The following SEMA5A variants were observed in gnomAD, a reference collection of about 807,000 sequenced individuals.
The protein encoded by SEMA5A is semaphorin 5A.
Under a neutral mutation model 135.5 loss-of-function variants are expected in SEMA5A, and 55 were observed. The ratio of observed to expected loss-of-function variants is 0.41; its 90% CI spans 0.33 to 0.51. SEMA5A has a LOEUF of 0.51. SEMA5A is among the 20% of genes least tolerant of loss of function. SEMA5A has a pLI of 0.37. For synonymous variants in SEMA5A, 580 were observed against 546.5 expected (o/e 1.06, Z -0.85); for missense variants, 1,290 against 1,419.9 (o/e 0.91, Z 1.47).
chr5:9,224,179 C>G (rs1267098562), intron 8 of SEMA5A, among the ~76,000 whole-genome samples: 5 of 152,170 alleles, frequency 3.3e-5, no homozygotes, highest in Non-Finnish European at 7.3e-5. Flanking sequence ...CTGAAGATGC[C>G]TACTACTAAC....
intron 2 of SEMA5A, among the ~76,000 whole-genome samples, chr5:9,416,615 C>A (rs906219644): frequency 6.6e-6 from 1 of 152,184 alleles, no homozygotes. Context: ...AGTTCAAGAC[C>A]TGGACTTCAC....
At chr5:9,136,029 G>A (rs1022942172) in intron 13 of SEMA5A, among the ~76,000 whole-genome samples, 3 of 152,164 alleles carry the variant, frequency 2.0e-5, no homozygotes, top group Non-Finnish European at 4.4e-5. Flanking sequence ...ACCTTCCTGT[G>A]ACCTTGAACA....
intron 6 of SEMA5A, among the ~76,000 whole-genome samples, chr5:9,233,271 A>G (rs1331083346): frequency 1.3e-5 from 2 of 152,260 alleles, no homozygotes; most frequent in Non-Finnish European, 1.5e-5. Context: ...CAGTTCAGAC[A>G]TTATAGCCCA....
At chr5:9,335,627 C>A (rs1338994428) in intron 4 of SEMA5A, among the ~76,000 whole-genome samples, 1 of 152,182 alleles carries the variant, frequency 6.6e-6, no homozygotes, top group South Asian at 2.1e-4. Flanking sequence ...TGCCCCACCC[C>A]GGTAAGGGGT....
intron 1 of SEMA5A, among the ~76,000 whole-genome samples, chr5:9,463,266 C>T (rs540095158): frequency 1.3e-5 from 2 of 152,208 alleles, no homozygotes; most frequent in African/African-American, 2.4e-5. Context: ...ATTGAAACAA[C>T]TAAAGGGAGA....
At chr5:9,245,856 T>C (rs1748452995) in intron 5 of SEMA5A, among the ~76,000 whole-genome samples, 1 of 152,134 alleles carries the variant, frequency 6.6e-6, no homozygotes, top group African/African-American at 2.4e-5. Context: ...ACCAAATTTA[T>C]CTGATAAGAA....
Position 9,426,269 on chromosome 5 carries a change from C to CA in SEMA5A, c.-78+11486dup, listed in dbSNP as rs751081473. On this transcript the variant is annotated intron_variant, in intron 2 of 22. Transcript: ENST00000382496. ...TGAAACCCCGTCTCTACTAAAAATA[C>CA]AAAAAATTAGCCTGGCGCGGTGGCA... Among the ~76,000 whole-genome samples, 16 of 151,554 alleles carry CA rather than the reference C, an allele frequency of 1.1e-4. No individual in the cohort carries two copies. The East Asian group carries it at 2.5e-3, about 24-fold the overall frequency.
chr5:9,327,701 A>G (rs1310565069), intron 4 of SEMA5A, among the ~76,000 whole-genome samples: 1 of 152,200 alleles, frequency 6.6e-6, no homozygotes, highest in Non-Finnish European at 1.5e-5. Context: ...TATTTAGGGT[A>G]AAAGTTATTA....
rs1466180762 is a variant in SEMA5A, at chr5:9,239,516, C to T, written c.271-1626G>A. On this transcript the variant is annotated intron_variant, in intron 5 of 22. Transcript: ENST00000382496. ...TGTGTTGTTGTTCATCTGATTTGAC[C>T]TTTAGTATATTCCTTTCTTAGATCT... Among the ~76,000 whole-genome samples, 2 of 152,014 alleles carry T rather than the reference C, an allele frequency of 1.3e-5. 1 individual carries two copies. Among genetic ancestry groups the T allele is most frequent in the African/African-American group, 4.8e-5 (2 of 41,412 alleles).
intron 1 of SEMA5A, among the ~76,000 whole-genome samples, chr5:9,538,819 G>A (rs999018894): frequency 1.3e-5 from 2 of 152,164 alleles, no homozygotes; most frequent in East Asian, 3.9e-4. Context: ...TGGCCCTGGC[G>A]CTAAGCTTTG....
intron 2 of SEMA5A, among the ~76,000 whole-genome samples, chr5:9,424,915 T>C (rs1757590585): frequency 6.6e-6 from 1 of 152,160 alleles, no homozygotes; most frequent in African/African-American, 2.4e-5. Context: ...CTGCTTCCCC[T>C]CTAGCTACCC....
At chr5:9,519,630 A>G (rs1315638650) in intron 1 of SEMA5A, among the ~76,000 whole-genome samples, 1 of 152,196 alleles carries the variant, frequency 6.6e-6, no homozygotes, top group East Asian at 1.9e-4. Context: ...AATTCCTTAG[A>G]TATGTTTCCC....
intron 2 of SEMA5A, among the ~76,000 whole-genome samples, chr5:9,420,078 A>G (rs1215551159): frequency 2.0e-5 from 3 of 151,962 alleles, no homozygotes; most frequent in Non-Finnish European, 2.9e-5. Context: ...GAACTATTTC[A>G]TTTCTCCACT....
At chr5:9,212,853 C>A (rs1232850172) in intron 8 of SEMA5A, among the ~76,000 whole-genome samples, 1 of 152,162 alleles carries the variant, frequency 6.6e-6, no homozygotes, top group Non-Finnish European at 1.5e-5. Flanking sequence ...GTGGGGAAAA[C>A]AAAGAAGTCA....
intron 1 of SEMA5A, among the ~76,000 whole-genome samples, chr5:9,497,422 T>C (rs1166209603): frequency 1.3e-5 from 2 of 152,210 alleles, no homozygotes; most frequent in Non-Finnish European, 2.9e-5. Flanking sequence ...GAGACGGCTA[T>C]AGTGCCGATA....
At chr5:9,428,074 A>G (rs1463184746) in intron 2 of SEMA5A, among the ~76,000 whole-genome samples, 1 of 62,098 alleles carries the variant, frequency 1.6e-5, no homozygotes, top group Non-Finnish European at 3.9e-5. Context: ...GTGTGTAAAT[A>G]TATATATGTG....
chr5:9,229,970 G>A (rs2150430848), intron 6 of SEMA5A, among the ~76,000 whole-genome samples: 1 of 151,996 alleles, frequency 6.6e-6, no homozygotes, highest in East Asian at 1.9e-4. Context: ...TAAGACTGTA[G>A]GTTGCTTTCT....
intron 1 of SEMA5A, among the ~76,000 whole-genome samples, chr5:9,486,585 C>A (rs1734739308): frequency 6.6e-6 from 1 of 151,842 alleles, no homozygotes; most frequent in Admixed American, 6.6e-5. Context: ...GCTCCAGAAC[C>A]CACTGAATGA....
chr5:9,295,559 G>A (rs1192514887), intron 5 of SEMA5A, among the ~76,000 whole-genome samples: 2 of 152,100 alleles, frequency 1.3e-5, no homozygotes, highest in Non-Finnish European at 2.9e-5. Context: ...AGGAGGAGGA[G>A]GAGGATTTTC....
Sources: gnomAD v4.1 joint callset for allele counts (sites outside exome capture counted in the v4.1 genomes callset) on GRCh38, gnomAD v4.1.1 for gene constraint, MANE v1.5 for transcripts, NCBI Gene and HGNC (gene_info 2026-07-23, HGNC 2026-07-21) for gene names.